The following ATAD3B variants were observed in gnomAD, a reference collection of about 807,000 sequenced individuals.
ATAD3B encodes the protein ATPase family AAA domain-containing protein 3B.
ATAD3B carries 59 observed loss-of-function variants against 70.2 expected under a neutral mutation model. That is an observed-to-expected ratio of 0.84 (90% CI 0.68 to 1.04). ATAD3B has a LOEUF of 1.04. Ranked by LOEUF, ATAD3B falls within the 50% of genes least tolerant of loss-of-function variation. ATAD3B has a pLI of 0.00. For missense variants in ATAD3B, 961 were observed against 913.4 expected (o/e 1.05, Z -0.67); for synonymous variants, 423 against 388.6 (o/e 1.09, Z -1.04).
At chr1:1,504,558 G>A in the ATAD3B span, among the ~76,000 whole-genome samples, 8 of 151,934 alleles carry the variant, frequency 5.3e-5, no homozygotes. Flanking sequence ...GCTGAGGCAG[G>A]AGAATCACTT....
rs1290514055 is a variant in ATAD3B, at chr1:1,482,059, C to T, written c.515-79C>T. ...GTCCGTGGCGTGGGCCGGTCCGTGG[C>T]GTGGGCCGGTCCACAGTGTGGGTGG... On this transcript the variant is annotated intron_variant, in intron 5 of 15. Transcript: ENST00000673477. 2.9e-5 allele frequency: 44 copies of T among 1,537,440 alleles called. 1 individual carries two copies. The East Asian group carries it at 2.9e-4, about 10-fold the overall frequency.
rs776219298 is a variant in ATAD3B, at chr1:1,485,130, T to G, written c.865T>G (p.Ser289Ala). ...LGKPSLVRET[S>A]RITVLEALRH... ...GAAGCCGTCCCTAGTGAGGGAGACGTCCCGCATCACGGTGCTGGAGGCGCT... is the reference window on the plus strand; with the variant it reads ...GAAGCCGTCCCTAGTGAGGGAGACGGCCCGCATCACGGTGCTGGAGGCGCT... Residue 289 changes from serine (S) to alanine (A), a missense_variant, in exon 8 of 16, where the codon TCC becomes GCC. By Grantham distance (99) the Ser-to-Ala change is moderately conservative (BLOSUM62 1). This residue lies in a region of ATAD3B where 349 missense variants were observed against 307.5 expected (regional missense o/e 1.14). Coordinates refer to ENST00000673477, the MANE Select transcript of ATAD3B (RefSeq NM_031921.6). 1.2e-6 allele frequency: 2 copies of G among 1,610,456 alleles called. No homozygotes were observed. Among genetic ancestry groups the G allele is most frequent in the Non-Finnish European group, 1.7e-6 (2 of 1,179,354 alleles).
intron 6 of ATAD3B, 24 bp from the exon 7 acceptor site, chr1:1,482,521 G>T (rs375739456): frequency 8.7e-6 from 14 of 1,613,328 alleles, no homozygotes; most frequent in Non-Finnish European, 1.2e-5. Flanking sequence ...GTCCTTCCTG[G>T]TCACACCACT....
chr1:1,502,246 G>A (rs1309065275), downstream of ATAD3B, among the ~76,000 whole-genome samples: 4 of 146,720 alleles, frequency 2.7e-5, no homozygotes, highest in Non-Finnish European at 6.0e-5. Context: ...ATAGAGTCTC[G>A]CTCTGTCGCC....
chr1:1,499,103 C>G (rs1316332476), downstream of ATAD3B, among the ~76,000 whole-genome samples: 1 of 151,680 alleles, frequency 6.6e-6, no homozygotes, highest in Non-Finnish European at 1.5e-5. Context: ...TCCTGAGTAG[C>G]TGGGACCACA....
At chr1:1,487,481 C>CT (rs1473121367) in intron 11 of ATAD3B, among the ~76,000 whole-genome samples, 4 of 146,370 alleles carry the variant, frequency 2.7e-5, no homozygotes, top group Non-Finnish European at 4.5e-5. Context: ...GAGCGAGACT[C>CT]TGTCTCAAAA....
chr1:1,506,823 C>T, the ATAD3B span, among the ~76,000 whole-genome samples: 5,427 of 143,034 alleles, frequency 0.038, 343 homozygotes, highest in African/African-American at 0.13. Flanking sequence ...AGTCTCGCTC[C>T]GTCACCCAGG....
At chr1:1,501,865 TTTTTGTTTTG>T (rs916945624), downstream of ATAD3B, among the ~76,000 whole-genome samples, 3 of 151,482 alleles carry the variant, frequency 2.0e-5, no homozygotes, top group African/African-American at 7.3e-5. Flanking sequence ...TTTTTTTTTG[TTTTTGTTTTG>T]TTTTGTTTTG....
At chr1:1,486,455 G>C in intron 10 of ATAD3B, 89 bp from the exon 11 acceptor site, 1 of 1,609,970 alleles carries the variant, frequency 6.2e-7, no homozygotes. Flanking sequence ...GGGACACCCG[G>C]CAGGGGCTCC....
At position 1,486,102 on chromosome 1, in the gene ATAD3B, C is replaced by T. The variant is rs773958842; in HGVS notation, c.964-8C>T. ...GTGTCTCCCCCAAACCCCCGTCTTC[C>T]CCGGCAGCCCAGCCTGGAAGCACGG... On this transcript the variant is annotated splice_region_variant and splice_polypyrimidine_tract_variant and intron_variant, in intron 9 of 15. Coordinates refer to ENST00000673477, the MANE Select transcript of ATAD3B (RefSeq NM_031921.6). 92 of 1,612,930 alleles carry T rather than the reference C, an allele frequency of 5.7e-5. 3 individuals carry two copies. The highest frequency in any genetic ancestry group is 6.8e-5 in the Non-Finnish European group (80 of 1,179,654).
chr1:1,501,447 G>A (rs373976384), downstream of ATAD3B, among the ~76,000 whole-genome samples: 11 of 152,290 alleles, frequency 7.2e-5, no homozygotes, highest in East Asian at 1.4e-3. Flanking sequence ...AGTAGAGACG[G>A]GGTTTCACCG....
Position 1,489,233 on chromosome 1 carries a change from A to G in ATAD3B, c.1296A>G (p.Thr432=). Residue 432 remains threonine (T), a synonymous_variant, in exon 13 of 16, where the codon ACA becomes ACG. Coordinates refer to ENST00000673477, the MANE Select transcript of ATAD3B (RefSeq NM_031921.6). The stretch of plus-strand genomic sequence containing the variant: ...AGATAAGCAAGGACCTCAGAGCCAC[A>G]CTGAACGCCTTCCTGTACCACATGG... ...TEEISKDLRA[T]LNAFLYHMGQ... is the part of the protein sequence containing the mutation. 1.2e-6 allele frequency: 2 copies of G among 1,613,598 alleles called. No individual in the cohort carries two copies. Among genetic ancestry groups the G allele is most frequent in the Non-Finnish European group, 8.5e-7 (1 of 1,179,660 alleles).
rs1194490699 is a variant in ATAD3B, at chr1:1,496,332, G to A, written c.*515G>A. The A allele has an allele frequency of 7.2e-6, 6 of 827,716 alleles. No individual in the cohort carries two copies. Among genetic ancestry groups the A allele is most frequent in the Non-Finnish European group, 8.8e-6 (6 of 685,600 alleles). The allele number at this position is 827,716 out of a possible 1,614,324, so 51.3% of individuals were successfully genotyped here. On this transcript the variant is annotated 3_prime_UTR_variant, in exon 16 of 16. Transcript: ENST00000673477. ...GAGAATTTACTGATCACAGAGCGGT[G>A]TGCTTCACATCAGCCTCGCGCCACA...
chr1:1,479,781 A>AC (rs1303660226), intron 4 of ATAD3B, among the ~76,000 whole-genome samples: 17 of 128,984 alleles, frequency 1.3e-4, no homozygotes, highest in Admixed American at 5.9e-4. Context: ...GGGCTTACAC[A>AC]CCCCCCCGCA....
rs369416205 is a variant in ATAD3B at position 1,477,265 on chromosome 1, C to A, written c.206-9C>A. On this transcript the variant is annotated splice_polypyrimidine_tract_variant and intron_variant, in intron 1 of 15. Coordinates refer to ENST00000673477, the MANE Select transcript of ATAD3B (RefSeq NM_031921.6). ...CTACACCTGCTCTCCGTGCCACATG[C>A]GCCCGCAGGTTACGCCAAGGAGGCC... The A allele has an allele frequency of 1.2e-6, 2 of 1,612,054 alleles. No homozygotes were observed. The highest frequency in any genetic ancestry group is 2.2e-5 in the East Asian group (1 of 44,866).
At chr1:1,479,851 C>T (rs1323643348) in intron 4 of ATAD3B, among the ~76,000 whole-genome samples, 4 of 143,182 alleles carry the variant, frequency 2.8e-5, no homozygotes, top group African/African-American at 7.9e-5. Flanking sequence ...CACACCGCCC[C>T]GCACACACGG....
chr1:1,505,911 G>C, the ATAD3B span, among the ~76,000 whole-genome samples: 9 of 152,042 alleles, frequency 5.9e-5, no homozygotes, highest in Admixed American at 1.3e-4. Context: ...GGAACAGCTC[G>C]TGCCCTCGGT....
intron 7 of ATAD3B, chr1:1,483,399 G>A (rs1313478569): frequency 1.2e-5 from 3 of 257,116 alleles, no homozygotes; most frequent in African/African-American, 4.7e-5. Flanking sequence ...CCCAGGAGGC[G>A]GAAGTTGCAG....
At chr1:1,498,013 A>G (rs569340386), downstream of ATAD3B, among the ~76,000 whole-genome samples, 22 of 150,648 alleles carry the variant, frequency 1.5e-4, no homozygotes, top group East Asian at 5.9e-4. Context: ...AAAAAATACA[A>G]AAGAAAAATC....
Sources: gnomAD v4.1 joint callset for allele counts (sites outside exome capture counted in the v4.1 genomes callset) on GRCh38, gnomAD v4.1.1 for gene constraint, gnomAD v4.1.1 regional missense constraint, MANE v1.5 for transcripts, NCBI Gene and HGNC (gene_info 2026-07-23, HGNC 2026-07-21) for gene names.